DPYD: variants seen among roughly 807,000 people sequenced by gnomAD.
DPYD encodes dihydropyrimidine dehydrogenase [NADP(+)].
In DPYD, 109 loss-of-function variants were observed where a neutral mutation model predicts 116.2. The ratio of observed to expected loss-of-function variants is 0.94; its 90% CI spans 0.80 to 1.10. The LOEUF (loss-of-function observed/expected upper bound fraction) is 1.10. Among genes scored for constraint, DPYD ranks in the 50% least tolerant of loss-of-function variants. The probability of loss-of-function intolerance (pLI) is 0.00; values close to 1 mark genes in which losing one functional copy is unlikely to be tolerated. For synonymous variants in DPYD, 440 were observed against 432.0 expected (o/e 1.02, Z -0.23); for missense variants, 1,302 against 1,254.5 (o/e 1.04, Z -0.57).
intron 16 of DPYD, among the ~76,000 whole-genome samples, chr1:97,309,334 TG>T: frequency 1.5e-5 from 1 of 68,178 alleles, no homozygotes; most frequent in East Asian, 4.8e-4. Context: ...GCTTGTCTTG[TG>T]TGTGTGTGTG....
intron 10 of DPYD, among the ~76,000 whole-genome samples, chr1:97,584,476 G>T (rs1653939026): frequency 6.6e-6 from 1 of 152,032 alleles, no homozygotes; most frequent in South Asian, 2.1e-4. Context: ...TAGACATGAA[G>T]TCCTTGCCCA....
chr1:97,694,546 T>G (rs1661193332), intron 6 of DPYD, among the ~76,000 whole-genome samples: 1 of 152,178 alleles, frequency 6.6e-6, no homozygotes. Flanking sequence ...CTTGGGTGTC[T>G]AATGGGTAAC....
chr1:97,377,006 T>C (rs1283861437), intron 15 of DPYD, among the ~76,000 whole-genome samples: 1 of 145,430 alleles, frequency 6.9e-6, no homozygotes, highest in Admixed American at 7.0e-5. Context: ...CTTAGTTTCC[T>C]CAAAAAAAGA....
At chr1:97,744,010 C>T (rs777238703) in intron 3 of DPYD, among the ~76,000 whole-genome samples, 3 of 151,946 alleles carry the variant, frequency 2.0e-5, no homozygotes, top group South Asian at 2.1e-4. Flanking sequence ...ACTAGGCATA[C>T]ACTTTTTAAA....
chr1:97,779,302 CACACACACACACAT>C (rs202064005), intron 3 of DPYD, among the ~76,000 whole-genome samples: 10,659 of 83,324 alleles, frequency 0.13, 491 homozygotes, highest in East Asian at 0.27. Flanking sequence ...ATTTTGCAAA[CACACACACACACAT>C]ACACACACAC....
intron 5 of DPYD, among the ~76,000 whole-genome samples, chr1:97,715,736 A>C (rs1662577323): frequency 6.6e-6 from 1 of 152,078 alleles, no homozygotes; most frequent in South Asian, 2.1e-4. Context: ...TTTTCAGTTT[A>C]TGCACAAATA....
intron 13 of DPYD, among the ~76,000 whole-genome samples, chr1:97,467,773 T>C (rs183429727): frequency 1.3e-5 from 2 of 152,070 alleles, no homozygotes; most frequent in East Asian, 3.9e-4. Context: ...TTTAGAAAAA[T>C]AGAAATCAGA....
intron 19 of DPYD, among the ~76,000 whole-genome samples, chr1:97,233,116 C>T (rs902848628): frequency 6.6e-6 from 1 of 152,168 alleles, no homozygotes; most frequent in Admixed American, 6.5e-5. Context: ...AGGTATCTTA[C>T]TTGGCTTTCT....
At chr1:97,493,853 T>A (rs949391930) in intron 13 of DPYD, among the ~76,000 whole-genome samples, 3 of 152,218 alleles carry the variant, frequency 2.0e-5, no homozygotes, top group Non-Finnish European at 4.4e-5. Context: ...ATTTCTATAA[T>A]GTGATAAATC....
chr1:97,472,820 T>C (rs972561093), intron 13 of DPYD, among the ~76,000 whole-genome samples: 3 of 152,230 alleles, frequency 2.0e-5, no homozygotes, highest in African/African-American at 7.2e-5. Context: ...AATTTTTAAT[T>C]GATTTTCCAG....
chr1:97,474,996 G>A (rs1187499785), intron 13 of DPYD, among the ~76,000 whole-genome samples: 1 of 151,982 alleles, frequency 6.6e-6, no homozygotes, highest in Non-Finnish European at 1.5e-5. Flanking sequence ...AATAATATAT[G>A]AGAAAATGTA....
intron 16 of DPYD, among the ~76,000 whole-genome samples, chr1:97,341,481 AACCC>A (rs1669585196): frequency 6.6e-6 from 1 of 152,174 alleles, no homozygotes; most frequent in Non-Finnish European, 1.5e-5. Context: ...TATACATAGG[AACCC>A]ATGGAATTTT....
At chr1:97,425,757 A>T (rs999879079) in intron 14 of DPYD, among the ~76,000 whole-genome samples, 1 of 152,060 alleles carries the variant, frequency 6.6e-6, no homozygotes, top group Non-Finnish European at 1.5e-5. Flanking sequence ...TCCCCTGCAT[A>T]GGATTGTAAA....
intron 2 of DPYD, among the ~76,000 whole-genome samples, chr1:97,864,838 C>A (rs886137612): frequency 2.6e-5 from 4 of 151,836 alleles, no homozygotes; most frequent in Non-Finnish European, 5.9e-5. Flanking sequence ...GAGGTGAAAG[C>A]CACATTATGG....
chr1:97,723,750 A>T (rs1397549449), intron 4 of DPYD, among the ~76,000 whole-genome samples: 1 of 151,754 alleles, frequency 6.6e-6, no homozygotes, highest in Admixed American at 6.6e-5. Flanking sequence ...TTAAGCTGTC[A>T]AAGTATAATA....
chr1:97,717,107 G>A (rs1057063521), intron 5 of DPYD, among the ~76,000 whole-genome samples: 8 of 151,942 alleles, frequency 5.3e-5, no homozygotes, highest in Non-Finnish European at 1.0e-4. Context: ...ATTCCAGATA[G>A]TTAATGGGTA....
Position 97,793,916 on chromosome 1 carries a change from GTGTTTGTTTGTTTGTTTGGTT to G in DPYD, c.233+34177_233+34197del, listed in dbSNP as rs1319193223. 1.2e-4 allele frequency among the ~76,000 whole-genome samples: 18 copies of G among 152,156 alleles called. No individual in the cohort carries two copies. The East Asian group carries it at 3.3e-3, about 28-fold the overall frequency. ...CTGTTCTTTAAAACACCTGGTTGTT[GTGTTTGTTTGTTTGTTTGGTT>G]TGTTTGTTTGTTTGTTTGAGACAGG... On this transcript the variant is annotated intron_variant, in intron 3 of 22. Transcript: ENST00000370192.
At chr1:97,086,841 C>A (rs1263861654) in intron 21 of DPYD, among the ~76,000 whole-genome samples, 3 of 152,170 alleles carry the variant, frequency 2.0e-5, no homozygotes, top group African/African-American at 7.2e-5. Flanking sequence ...CTTCAAAAAC[C>A]AGGACCCAGA....
At chr1:97,815,903 C>T (rs964447288) in intron 3 of DPYD, among the ~76,000 whole-genome samples, 1 of 152,042 alleles carries the variant, frequency 6.6e-6, no homozygotes, top group African/African-American at 2.4e-5. Flanking sequence ...AAGGTGTTGG[C>T]CTTTGACAGG....
Sources: gnomAD v4.1 joint callset for allele counts (sites outside exome capture counted in the v4.1 genomes callset) on GRCh38, gnomAD v4.1.1 for gene constraint, MANE v1.5 for transcripts, NCBI Gene and HGNC (gene_info 2026-07-23, HGNC 2026-07-21) for gene names.